The following GOT2 variants were observed in gnomAD, a reference collection of about 807,000 sequenced individuals.
GOT2 encodes aspartate aminotransferase, mitochondrial.
In GOT2, 17 loss-of-function variants were observed where a neutral mutation model predicts 50.0. The ratio of observed to expected loss-of-function variants is 0.34; its 90% CI spans 0.23 to 0.51. GOT2 has a LOEUF of 0.51. GOT2 is among the 20% of genes least tolerant of loss of function. The pLI is 0.97. For synonymous variants in GOT2, 172 were observed against 204.9 expected, an observed-to-expected ratio of 0.84 and a Z score of 1.37; for missense variants, 430 against 559.6, an observed-to-expected ratio of 0.77 and a Z score of 2.34.
At position 58,715,270 on chromosome 16, in the gene GOT2, T is replaced by C. The variant is rs573264507; in HGVS notation, c.1019+744A>G. ...AAAAATATGATGTTTTTAAGGAAGT[T>C]TTCCTATGTAAGGTACTTAATTTGA... On this transcript the variant is annotated intron_variant, in intron 8 of 9. Coordinates refer to ENST00000245206, the MANE Select transcript of GOT2 (RefSeq NM_002080.4). Among the ~76,000 whole-genome samples the C allele has an allele frequency of 4.6e-5, 7 of 152,298 alleles. No homozygotes were observed. The East Asian group carries it at 1.4e-3, about 29-fold the overall frequency.
At chr16:58,708,646 T>G (rs1325238540) in intron 9 of GOT2, among the ~76,000 whole-genome samples, 2 of 151,232 alleles carry the variant, frequency 1.3e-5, no homozygotes, top group African/African-American at 4.9e-5. Flanking sequence ...AAAGCTACTT[T>G]AAAGTAGGAT....
At position 58,734,190 on chromosome 16, in the gene GOT2, G is replaced by T; in HGVS notation, c.39C>A (p.Ile13=). 7.5e-7 allele frequency: 1 copy of T among 1,336,492 alleles called. No individual in the cohort carries two copies. 82.8% of individuals were successfully genotyped at this position (1,336,492 alleles called of 1,614,324 possible). A position where few individuals can be genotyped will look rare whatever the true frequency, so the allele number is the denominator to read the frequency against. ...LLHSGRVLPG[I]AAAFHPGLAA... ...CGAGGCCCGGGTGGAAGGCGGCGGC[G>T]ATCCCGGGGAGGACGCGGCCGGAGT... is the stretch of plus-strand genomic sequence containing the variant. The change falls in exon 1 of 10, where the codon ATC becomes ATA. Residue 13 remains isoleucine (I), a synonymous_variant. Coordinates refer to ENST00000245206, the MANE Select transcript of GOT2 (RefSeq NM_002080.4).
intron 8 of GOT2, among the ~76,000 whole-genome samples, chr16:58,712,194 T>C (rs1158036582): frequency 6.6e-6 from 1 of 152,160 alleles, no homozygotes; most frequent in African/African-American, 2.4e-5. Flanking sequence ...TTAGTCATCA[T>C]TTATTCCATT....
At position 58,718,707 on chromosome 16, in the gene GOT2, G is replaced by A; in HGVS notation, c.436-19C>T. ...ATCTTTGCTAAAAGATGGGACGAAA[G>A]GAAACAGAAAAATGAACAAAGGAGA... On this transcript the variant is annotated intron_variant, in intron 4 of 9. Coordinates refer to ENST00000245206, the MANE Select transcript of GOT2 (RefSeq NM_002080.4). 1.3e-6 allele frequency: 2 copies of A among 1,538,290 alleles called. No individual in the cohort carries two copies. The highest frequency in any genetic ancestry group is 1.8e-6 in the Non-Finnish European group (2 of 1,142,436).
Position 58,718,585 on chromosome 16 carries a change from C to CGATA in GOT2, c.535_538dup (p.Arg180LeufsTer5). On this transcript the variant is annotated frameshift_variant, in exon 5 of 10. Transcript: ENST00000245206. LOFTEE classifies it high-confidence loss of function. The stretch of plus-strand genomic sequence containing the variant: ...ACCGCAAGTCTTGGGGTCATAATAC[C>CGATA]GATAACCTTGTAGCTGCATGCCAGC... 6.2e-7 allele frequency: 1 copy of CGATA among 1,610,706 alleles called. No homozygotes were observed. Among genetic ancestry groups the CGATA allele is most frequent in the Non-Finnish European group, 8.5e-7 (1 of 1,178,212 alleles).
At chr16:58,713,238 C>T (rs1400050948) in intron 8 of GOT2, among the ~76,000 whole-genome samples, 1 of 152,072 alleles carries the variant, frequency 6.6e-6, no homozygotes, top group African/African-American at 2.4e-5. Flanking sequence ...TTCCCTTTCA[C>T]AAACTTTCTG....
rs199842016 is a variant in GOT2 at position 58,709,572 on chromosome 16, A to C, written c.1020-5T>G. 10 of 1,606,470 alleles carry C rather than the reference A, an allele frequency of 6.2e-6. No homozygotes were observed. In the East Asian group the frequency reaches 2.2e-4, roughly 36 times the overall value. ...ATGACTTTCACTTCTTGCAGCCTGTAAAGAAACCCTGAGATGCAGCTCATT... is the reference window on the plus strand; with the variant it reads ...ATGACTTTCACTTCTTGCAGCCTGTCAAGAAACCCTGAGATGCAGCTCATT... On this transcript the variant is annotated splice_region_variant and splice_polypyrimidine_tract_variant and intron_variant, in intron 8 of 9. Transcript: ENST00000245206.
chr16:58,714,828 T>C (rs1217470667), intron 8 of GOT2, among the ~76,000 whole-genome samples: 3 of 152,092 alleles, frequency 2.0e-5, no homozygotes, highest in African/African-American at 7.2e-5. Flanking sequence ...ATGTTCAAGG[T>C]CATGATGTAA....
Position 58,708,004 on chromosome 16 carries a change from AC to A in GOT2, c.*166del. On this transcript the variant is annotated 3_prime_UTR_variant, in exon 10 of 10. Coordinates refer to ENST00000245206, the MANE Select transcript of GOT2 (RefSeq NM_002080.4). ...GCCATGGATGCCTCTGCCCTGTGTC[AC>A]TACATGTTCTTTTCTGAGAAACATT... The A allele has an allele frequency of 1.7e-6, 1 of 602,962 alleles. No homozygotes were observed. The highest frequency in any genetic ancestry group is 2.7e-6 in the Non-Finnish European group (1 of 366,744). 37.4% of individuals were successfully genotyped at this position (602,962 alleles called of 1,614,324 possible).
chr16:58,716,986 GACA>G (rs2152094880), intron 6 of GOT2, among the ~76,000 whole-genome samples, 173 bp from the exon 7 acceptor site: 1 of 152,314 alleles, frequency 6.6e-6, no homozygotes, highest in African/African-American at 2.4e-5. Context: ...GGACTCACGA[GACA>G]ACATCATTAG....
At chr16:58,733,025 G>A (rs73550821) in intron 1 of GOT2, among the ~76,000 whole-genome samples, 6,878 of 152,268 alleles carry the variant, frequency 0.045, 507 homozygotes, top group African/African-American at 0.16. Context: ...TAGTTCTGCT[G>A]GCTGAAAGAC....
At chr16:58,730,716 TC>T (rs2044828649) in intron 1 of GOT2, among the ~76,000 whole-genome samples, 1 of 152,156 alleles carries the variant, frequency 6.6e-6, no homozygotes, top group Non-Finnish European at 1.5e-5. Context: ...ATCTTTCAAC[TC>T]CTCCATGCCT....
At chr16:58,725,309 T>C (rs1323908252) in intron 1 of GOT2, among the ~76,000 whole-genome samples, 1 of 151,940 alleles carries the variant, frequency 6.6e-6, no homozygotes, top group East Asian at 1.9e-4. Context: ...GAGATGGGGT[T>C]TTACCACGTT....
intron 1 of GOT2, among the ~76,000 whole-genome samples, chr16:58,726,514 AGACGGAG>A (rs1173449772): frequency 2.2e-5 from 1 of 45,194 alleles, no homozygotes; most frequent in Non-Finnish European, 3.9e-5. Flanking sequence ...TTTATTTTTG[AGACGGAG>A]TCTTGCTCTG....
In GOT2 at chr16:58,718,191, C is replaced by T. The variant is rs1191126007; in HGVS notation, c.702+5G>A. ...AACTGTCGCCAGTGAGTTCATCGTC[C>T]TCACCTTCACCACTGTTGCTATTTC... On this transcript the variant is annotated splice_donor_5th_base_variant and intron_variant, in intron 6 of 9. Coordinates refer to ENST00000245206, the MANE Select transcript of GOT2 (RefSeq NM_002080.4). 16 of 1,601,722 alleles carry T rather than the reference C, an allele frequency of 1.0e-5. No homozygotes were observed. Among genetic ancestry groups the T allele is most frequent in the East Asian group, 2.2e-5 (1 of 44,838 alleles).
At chr16:58,722,120 T>C in intron 3 of GOT2, 30 bp downstream of exon 3, 1 of 1,609,870 alleles carries the variant, frequency 6.2e-7, no homozygotes, top group East Asian at 2.2e-5. Context: ...AAAACAGACC[T>C]GGGATGATGC....
At chr16:58,731,993 A>C (rs1250030155) in intron 1 of GOT2, among the ~76,000 whole-genome samples, 2 of 152,244 alleles carry the variant, frequency 1.3e-5, no homozygotes, top group Non-Finnish European at 2.9e-5. Flanking sequence ...CATTATTTAA[A>C]TCTGAAGAGT....
chr16:58,731,274 A>G (rs2044833225), intron 1 of GOT2, among the ~76,000 whole-genome samples: 1 of 152,008 alleles, frequency 6.6e-6, no homozygotes, highest in Admixed American at 6.6e-5. Flanking sequence ...CCTCCCAAGT[A>G]GCTGGGACTC....
intron 1 of GOT2, among the ~76,000 whole-genome samples, chr16:58,729,939 A>C (rs1555509633): frequency 6.6e-6 from 1 of 152,184 alleles, no homozygotes; most frequent in Non-Finnish European, 1.5e-5. Flanking sequence ...AAAATGTAAT[A>C]AATTATGTTC....
Sources: gnomAD v4.1 joint callset for allele counts (sites outside exome capture counted in the v4.1 genomes callset) on GRCh38, gnomAD v4.1.1 for gene constraint, MANE v1.5 for transcripts, NCBI Gene and HGNC (gene_info 2026-07-23, HGNC 2026-07-21) for gene names.